SMOC2: variants seen among roughly 807,000 people sequenced by gnomAD.
The protein encoded by SMOC2 is SPARC related modular calcium binding 2, also known as SPARC-related modular calcium-binding protein 2.
SMOC2 carries 39 observed loss-of-function variants against 61.4 expected under a neutral mutation model. That is an observed-to-expected ratio of 0.64 (90% CI 0.49 to 0.83). SMOC2 has a LOEUF of 0.83. Among genes scored for constraint, SMOC2 ranks in the 40% least tolerant of loss-of-function variants. SMOC2 has a pLI of 0.00. For missense variants in SMOC2, 556 were observed against 592.9 expected (o/e 0.94, Z 0.65); for synonymous variants, 247 against 239.9 (o/e 1.03, Z -0.27).
At chr6:168,625,217 G>C (rs180910163) in intron 9 of SMOC2, among the ~76,000 whole-genome samples, 7 of 152,334 alleles carry the variant, frequency 4.6e-5, no homozygotes, top group African/African-American at 1.2e-4. Context: ...GTGAAGACCC[G>C]CATCTGCTCA....
intron 7 of SMOC2, among the ~76,000 whole-genome samples, chr6:168,597,765 C>G (rs775589295): frequency 6.6e-6 from 1 of 152,226 alleles, no homozygotes; most frequent in Non-Finnish European, 1.5e-5. Flanking sequence ...GCTGCTCCAC[C>G]TGCGTGTTCC....
At chr6:168,511,811 G>GTTT (rs144317852) in intron 2 of SMOC2, among the ~76,000 whole-genome samples, 30,779 of 130,338 alleles carry the variant, frequency 0.24, 4,926 homozygotes, top group East Asian at 0.37. Context: ...ATTATCAAGG[G>GTTT]TTGTTTTTTT....
At chr6:168,540,969 C>T (rs1247154753) in intron 4 of SMOC2, among the ~76,000 whole-genome samples, 1 of 152,194 alleles carries the variant, frequency 6.6e-6, no homozygotes, top group African/African-American at 2.4e-5. Flanking sequence ...ATGCAAACCA[C>T]TGCCTCCATC....
Position 168,553,071 on chromosome 6 carries a change from A to G in SMOC2, c.637+3868A>G, listed in dbSNP as rs1216006159. 2.6e-5 allele frequency among the ~76,000 whole-genome samples: 4 copies of G among 152,236 alleles called. No homozygotes were observed. Among genetic ancestry groups the G allele is most frequent in the Admixed American group, 6.5e-5 (1 of 15,278 alleles). On this transcript the variant is annotated intron_variant, in intron 7 of 12. Transcript: ENST00000356284. The surrounding 1 kb of genome is among the most constrained non-coding windows in gnomAD (Gnocchi z 4.2). ...CTGAATGAAACAAACAAAATAACCA[A>G]ATTAATACATAACTGGAAAAGAGAG...
chr6:168,640,641 A>C (rs1306959479), intron 9 of SMOC2, among the ~76,000 whole-genome samples: 1 of 152,236 alleles, frequency 6.6e-6, no homozygotes, highest in Non-Finnish European at 1.5e-5. Context: ...ATTTCTTAAC[A>C]ATACATGAAT....
chr6:168,567,753 C>T (rs933088633), intron 7 of SMOC2, among the ~76,000 whole-genome samples: 4 of 152,144 alleles, frequency 2.6e-5, no homozygotes, highest in South Asian at 2.1e-4. Context: ...GAGCCACAGG[C>T]GAAGACCAGA....
At chr6:168,538,485 G>A (rs1157125516) in intron 4 of SMOC2, among the ~76,000 whole-genome samples, 3 of 64,672 alleles carry the variant, frequency 4.6e-5, no homozygotes, top group Admixed American at 2.0e-4. Context: ...TGCGGTGACC[G>A]CTGCTGGAAT....
At chr6:168,661,381 G>A (rs1787505812) in intron 11 of SMOC2, among the ~76,000 whole-genome samples, 1 of 152,098 alleles carries the variant, frequency 6.6e-6, no homozygotes, top group East Asian at 1.9e-4. Context: ...GGAGGCCGAG[G>A]CCACAAGGTC....
At chr6:168,537,223 A>G (rs962295652) in intron 4 of SMOC2, among the ~76,000 whole-genome samples, 6 of 150,784 alleles carry the variant, frequency 4.0e-5, no homozygotes, top group African/African-American at 1.2e-4. Flanking sequence ...AGCCGGTCCT[A>G]TTTAGAGAGA....
At chr6:168,522,584 C>G (rs1157698241) in intron 2 of SMOC2, among the ~76,000 whole-genome samples, 1 of 152,084 alleles carries the variant, frequency 6.6e-6, no homozygotes, top group Non-Finnish European at 1.5e-5. Context: ...ATGAAGGAAG[C>G]CAGACACAGA....
At position 168,489,160 on chromosome 6, in the gene SMOC2, T is replaced by C. The variant is rs1314661253; in HGVS notation, c.85-20755T>C. On this transcript the variant is annotated intron_variant, in intron 1 of 12. Transcript: ENST00000356284. ...GATCACACTGTTGTAGAATGAAATA[T>C]ATCAAATCGTCTGGGTCCCCTTGCA... is the stretch of plus-strand genomic sequence containing the variant. Among the ~76,000 whole-genome samples the C allele has an allele frequency of 2.0e-5, 3 of 150,904 alleles. No individual in the cohort carries two copies. In the East Asian group the frequency reaches 5.9e-4, roughly 30 times the overall value.
intron 1 of SMOC2, among the ~76,000 whole-genome samples, chr6:168,482,641 T>C (rs565609887): frequency 5.3e-4 from 81 of 152,188 alleles, no homozygotes; most frequent in African/African-American, 1.9e-3. Flanking sequence ...TGAACATCGA[T>C]GCCAAAATCT....
intron 1 of SMOC2, among the ~76,000 whole-genome samples, chr6:168,493,351 G>A: frequency 6.6e-6 from 1 of 152,160 alleles, no homozygotes; most frequent in Non-Finnish European, 1.5e-5. Context: ...AAGTGATTTA[G>A]TTAAAGAACT....
At chr6:168,442,930 G>C (rs1416327935) in intron 1 of SMOC2, among the ~76,000 whole-genome samples, 2 of 152,170 alleles carry the variant, frequency 1.3e-5, no homozygotes, top group South Asian at 2.1e-4. Flanking sequence ...TCCCCAGAGG[G>C]GGCCCTCAGA....
chr6:168,632,586 C>T (rs1786598117), intron 9 of SMOC2, among the ~76,000 whole-genome samples: 2 of 152,164 alleles, frequency 1.3e-5, no homozygotes, highest in Non-Finnish European at 2.9e-5. Context: ...CGTTGTATTT[C>T]ATATTGTAGA....
intron 1 of SMOC2, among the ~76,000 whole-genome samples, chr6:168,456,161 G>A (rs4708742): frequency 0.23 from 35,566 of 152,228 alleles, 4,526 homozygotes; most frequent in Admixed American, 0.34. Flanking sequence ...GCTCTGCGAA[G>A]TGACTTCATC....
chr6:168,444,872 GAGA>G (rs1262117987), intron 1 of SMOC2, among the ~76,000 whole-genome samples: 13 of 152,304 alleles, frequency 8.5e-5, no homozygotes, highest in Non-Finnish European at 1.8e-4. Context: ...TAAAGGCAGA[GAGA>G]AGAACAATAT....
intron 8 of SMOC2, among the ~76,000 whole-genome samples, chr6:168,599,540 T>TCA (rs1785461150): frequency 1.8e-4 from 2 of 11,092 alleles, no homozygotes; most frequent in East Asian, 3.6e-3. Context: ...ACACACCCAC[T>TCA]CACACACACT....
intron 9 of SMOC2, among the ~76,000 whole-genome samples, chr6:168,622,107 A>G (rs891674357): frequency 3.9e-5 from 6 of 151,928 alleles, no homozygotes; most frequent in Admixed American, 2.0e-4. Context: ...CTGGGACTAC[A>G]GGCGCCTGCC....
Sources: allele counts gnomAD v4.1 joint callset (sites outside exome capture counted in the v4.1 genomes callset), GRCh38; gene constraint gnomAD v4.1.1; non-coding constraint Gnocchi (gnomAD v3.1); transcripts MANE v1.5; gene names NCBI Gene and HGNC (gene_info 2026-07-23, HGNC 2026-07-21).